The following NAA35 variants were observed in gnomAD, a reference collection of about 807,000 sequenced individuals.
NAA35 encodes MAK10 homolog, amino-acid N-acetyltransferase subunit.
NAA35 carries 18 observed loss-of-function variants against 101.7 expected under a neutral mutation model. The ratio of observed to expected loss-of-function variants is 0.18; its 90% confidence interval spans 0.12 to 0.26. The LOEUF (loss-of-function observed/expected upper bound fraction) is 0.26. Among genes scored for constraint, NAA35 ranks in the 10% least tolerant of loss-of-function variants. NAA35 has a pLI of 1.00. For synonymous variants in NAA35, 267 were observed against 273.1 expected (o/e 0.98, Z 0.22); for missense variants, 601 against 886.8 (o/e 0.68, Z 4.09).
At chr9:85,966,031 CT>C (rs1245614517) in intron 6 of NAA35, among the ~76,000 whole-genome samples, 1 of 152,158 alleles carries the variant, frequency 6.6e-6, no homozygotes, top group Non-Finnish European at 1.5e-5. Flanking sequence ...CCTTGAACTC[CT>C]ATGCTCCAGC....
intron 6 of NAA35, among the ~76,000 whole-genome samples, chr9:85,970,765 A>G (rs1379665068): frequency 6.6e-6 from 1 of 152,222 alleles, no homozygotes; most frequent in Non-Finnish European, 1.5e-5. Flanking sequence ...GAAATGCTCC[A>G]GATTAAAGGA....
At chr9:85,971,697 A>G (rs1006824550) in intron 6 of NAA35, among the ~76,000 whole-genome samples, 1 of 152,152 alleles carries the variant, frequency 6.6e-6, no homozygotes, top group African/African-American at 2.4e-5. Flanking sequence ...CCTCCCAAAT[A>G]CTGCCTTATC....
At chr9:85,958,033 C>A (rs1015230473) in intron 3 of NAA35, among the ~76,000 whole-genome samples, 11 of 151,984 alleles carry the variant, frequency 7.2e-5, no homozygotes, top group South Asian at 2.1e-4. Flanking sequence ...CCTCCGCCTC[C>A]CGGGTTCAAG....
At chr9:85,959,760 C>A in intron 4 of NAA35, 33 bp from the exon 5 acceptor site, 1 of 1,511,786 alleles carries the variant, frequency 6.6e-7, no homozygotes, top group Non-Finnish European at 9.1e-7. Flanking sequence ...AAAAAAATTT[C>A]TGCTTATATG....
chr9:85,993,144 C>T lies in NAA35; in HGVS notation c.878-3255C>T, dbSNP rs149619451. 9.8e-3 allele frequency among the ~76,000 whole-genome samples: 1,497 copies of T among 152,160 alleles called. 22 individuals are homozygous for T. Among genetic ancestry groups the T allele is most frequent in the African/African-American group, 0.033 (1,356 of 41,510 alleles). On this transcript the variant is annotated intron_variant, in intron 11 of 22. Transcript: ENST00000361671. Reference sequence around the variant, plus strand: ...TCAGATATAAATGAGTACAAATTGTCTGATTGTTTTGTTTGTTTAAAAGTA... The same window carrying T: ...TCAGATATAAATGAGTACAAATTGTTTGATTGTTTTGTTTGTTTAAAAGTA...
intron 6 of NAA35, among the ~76,000 whole-genome samples, chr9:85,964,963 G>A (rs1829680834): frequency 6.6e-6 from 1 of 152,056 alleles, no homozygotes; most frequent in African/African-American, 2.4e-5. Context: ...ATCCATTGAC[G>A]GTGCTTGCCT....
At chr9:85,985,075 A>G (rs965049877) in intron 11 of NAA35, among the ~76,000 whole-genome samples, 12 of 152,236 alleles carry the variant, frequency 7.9e-5, no homozygotes, top group Non-Finnish European at 2.9e-5. Flanking sequence ...ATTAGTCTTC[A>G]GGGAAATGCA....
chr9:85,960,503 A>G (rs1276341518), intron 5 of NAA35, among the ~76,000 whole-genome samples: 5 of 152,108 alleles, frequency 3.3e-5, no homozygotes, highest in Non-Finnish European at 5.9e-5. Context: ...TAGGTGTTTT[A>G]TATGTATAGT....
chr9:86,006,864 C>T (rs970661740), intron 13 of NAA35, among the ~76,000 whole-genome samples: 2 of 151,876 alleles, frequency 1.3e-5, no homozygotes, highest in African/African-American at 4.8e-5. Context: ...TACTAAAATA[C>T]AGTGGATTGT....
intron 12 of NAA35, among the ~76,000 whole-genome samples, chr9:86,000,442 G>GT (rs1466802689): frequency 1.2e-4 from 15 of 125,576 alleles, no homozygotes; most frequent in Admixed American, 1.1e-3. Flanking sequence ...TCCCTCCTCA[G>GT]TTTTTTGCAA....
rs1477974569 is a variant in NAA35, at chr9:86,018,528, G to A, written c.1914+133G>A. 33 of 1,321,732 alleles carry A rather than the reference G, an allele frequency of 2.5e-5. No homozygotes were observed. The Admixed American group carries it at 7.7e-4, about 31-fold the overall frequency. The allele number at this position is 1,321,732 out of a possible 1,614,324, so 81.9% of individuals were successfully genotyped here. Reference sequence around the variant, plus strand: ...AAGAATAATATGAGGTAGCATATGAGGGTTGAGAATTATATATTACCTAGG... The same window carrying A: ...AAGAATAATATGAGGTAGCATATGAAGGTTGAGAATTATATATTACCTAGG... On this transcript the variant is annotated intron_variant, in intron 20 of 22. Transcript: ENST00000361671.
intron 11 of NAA35, among the ~76,000 whole-genome samples, chr9:85,987,662 A>C (rs745314298): frequency 2.0e-5 from 3 of 152,158 alleles, no homozygotes; most frequent in Admixed American, 1.3e-4. Flanking sequence ...TGATGTTTCT[A>C]CTCTCTAAAA....
chr9:85,955,577 A>G (rs1409796120), intron 2 of NAA35, among the ~76,000 whole-genome samples: 1 of 151,594 alleles, frequency 6.6e-6, no homozygotes, highest in African/African-American at 2.4e-5. Flanking sequence ...GTTAGCCAGG[A>G]TGGTCTCGAT....
intron 2 of NAA35, among the ~76,000 whole-genome samples, chr9:85,953,417 T>C (rs531968685): frequency 6.6e-6 from 1 of 152,000 alleles, no homozygotes; most frequent in Non-Finnish European, 1.5e-5. Context: ...CAACCAGCAG[T>C]CTACACTATG....
At chr9:85,988,260 AAAG>A (rs748189657) in intron 11 of NAA35, among the ~76,000 whole-genome samples, 1 of 152,268 alleles carries the variant, frequency 6.6e-6, no homozygotes, top group Non-Finnish European at 1.5e-5. Flanking sequence ...TATTCCAAGA[AAAG>A]AAGCAGATGA....
Position 86,009,868 on chromosome 9 carries a change from C to G in NAA35, c.1227C>G (p.Cys409Trp), listed in dbSNP as rs1486569564. The G allele has an allele frequency of 6.2e-7, 1 of 1,610,684 alleles. No individual in the cohort carries two copies. Among genetic ancestry groups the G allele is most frequent in the African/African-American group, 1.3e-5 (1 of 74,930 alleles). The change falls in exon 15 of 23, where the codon TGC becomes TGG. Residue 409 changes from cysteine (C) to tryptophan (W), a missense_variant. Physicochemically the swap from Cys to Trp is radical, Grantham distance 215. Around this residue, in one of 8 missense-constraint regions of NAA35, gnomAD observed 190 missense variants for 223.1 expected, o/e 0.85. Transcript: ENST00000361671. ...FVSPPVLSPK[C>W]YLYNNHQAKD... ...TGATGTGACTGTTATCTTGCAGGTG[C>G]TACCTATATAATAATCACCAGGCTA...
At chr9:85,960,496 G>A (rs1829468296) in intron 5 of NAA35, among the ~76,000 whole-genome samples, 1 of 152,050 alleles carries the variant, frequency 6.6e-6, no homozygotes, top group Non-Finnish European at 1.5e-5. Context: ...CTTGTATTAG[G>A]TGTTTTATAT....
chr9:85,965,168 TCAG>T (rs1443193848), intron 6 of NAA35, among the ~76,000 whole-genome samples: 1 of 152,242 alleles, frequency 6.6e-6, no homozygotes. Flanking sequence ...ACGTCTTGAC[TCAG>T]CAGTTTCACT....
intron 6 of NAA35, chr9:85,966,548 TTTTC>T (rs755877733): frequency 9.3e-5 from 90 of 967,812 alleles, no homozygotes; most frequent in Non-Finnish European, 1.1e-4. Context: ...TAGTTTGATT[TTTTC>T]TTTCTTTCTT....
Sources: allele counts gnomAD v4.1 joint callset (sites outside exome capture counted in the v4.1 genomes callset), GRCh38; gene constraint gnomAD v4.1.1; regional missense constraint gnomAD v4.1.1; transcripts MANE v1.5; gene names NCBI Gene and HGNC (gene_info 2026-07-23, HGNC 2026-07-21).